CDH23: variants seen among roughly 807,000 people sequenced by gnomAD.
CDH23 encodes cadherin related 23, also known as cadherin-23.
Under a neutral mutation model 317.1 loss-of-function variants are expected in CDH23, and 189 were observed. The ratio of observed to expected loss-of-function variants is 0.60; its 90% CI spans 0.53 to 0.67. The LOEUF (loss-of-function observed/expected upper bound fraction) is 0.67, where lower values mean the gene tolerates loss of function less well. CDH23 is among the 30% of genes least tolerant of loss of function. The pLI is 0.00. For missense variants in CDH23, 4,401 were observed against 4,592.4 expected (o/e 0.96, Z 1.20); for synonymous variants, 1,839 against 1,876.8 (o/e 0.98, Z 0.52).
chr10:71,638,895 C>A (rs1456518981), intron 11 of CDH23, among the ~76,000 whole-genome samples: 1 of 152,102 alleles, frequency 6.6e-6, no homozygotes, highest in African/African-American at 2.4e-5. Flanking sequence ...AGGGAGGGGG[C>A]AAGGTCTAGG....
rs1334471359 is a variant in CDH23 at position 71,690,604 on chromosome 10, G to A, written c.2176+20G>A. On this transcript the variant is annotated intron_variant, in intron 20 of 69. Coordinates refer to ENST00000224721, the MANE Select transcript of CDH23 (RefSeq NM_022124.6). ...GCTCAGGTGAGCCCCCCCACCCCAAGTACCCTGGTCCTCCACACCCTGAGG... is the reference window on the plus strand; with the variant it reads ...GCTCAGGTGAGCCCCCCCACCCCAAATACCCTGGTCCTCCACACCCTGAGG... 1 of 1,528,704 alleles carries A rather than the reference G, an allele frequency of 6.5e-7. No homozygotes were observed. Among genetic ancestry groups the A allele is most frequent in the Non-Finnish European group, 8.9e-7 (1 of 1,119,674 alleles). The allele number at this position is 1,528,704 out of a possible 1,614,324, so 94.7% of individuals were successfully genotyped here.
chr10:71,525,670 G>A (rs75372719), intron 6 of CDH23, among the ~76,000 whole-genome samples: 3,996 of 152,266 alleles, frequency 0.026, 174 homozygotes, highest in African/African-American at 0.091. Context: ...TGGCAGGTAC[G>A]GGGTGCTGGT....
In CDH23 at chr10:71,617,284, A is replaced by G. The variant is rs1451062499; in HGVS notation, c.1025A>G (p.Asn342Ser). ...TTFNILVIDINDNAPEFNSSE... is the reference protein window; with the variant it reads ...TTFNILVIDISDNAPEFNSSE... ...TTCAATATCCTGGTTATTGACATCA[A>G]TGACAATGCCCCGGAGTTCAACAGC... Residue 342 changes from asparagine to serine, a missense_variant, in exon 11 of 70, where the codon AAT becomes AGT. Asn to Ser is a conservative substitution (Grantham distance 46). Around this residue, in one of 3 missense-constraint regions of CDH23, gnomAD observed 3,068 missense variants for 3,203.3 expected, o/e 0.96. Coordinates refer to ENST00000224721, the MANE Select transcript of CDH23 (RefSeq NM_022124.6). 2 of 1,613,830 alleles carry G rather than the reference A, an allele frequency of 1.2e-6. No individual in the cohort carries two copies. Among genetic ancestry groups the G allele is most frequent in the Non-Finnish European group, 8.5e-7 (1 of 1,179,888 alleles).
chr10:71,536,068 T>C (rs972269225), intron 6 of CDH23, among the ~76,000 whole-genome samples: 1 of 152,242 alleles, frequency 6.6e-6, no homozygotes, highest in Non-Finnish European at 1.5e-5. Flanking sequence ...TGCACGCGCC[T>C]TGCTGTGGCA....
rs756989646 is a variant in CDH23, at chr10:71,793,214, G to A, written c.6286G>A (p.Glu2096Lys). The A allele has an allele frequency of 1.2e-6, 2 of 1,613,652 alleles. No individual in the cohort carries two copies. Among genetic ancestry groups the A allele is most frequent in the South Asian group, 1.1e-5 (1 of 91,002 alleles). Residue 2096 changes from glutamate (E) to lysine (K), a missense_variant, in exon 48 of 70, where the codon GAG becomes AAG. Physicochemically the swap from Glu to Lys is moderately conservative, Grantham distance 56. Around this residue, in one of 3 missense-constraint regions of CDH23, gnomAD observed 3,068 missense variants for 3,203.3 expected, o/e 0.96. Coordinates refer to ENST00000224721, the MANE Select transcript of CDH23 (RefSeq NM_022124.6). Reference protein sequence around the residue: ...FSVLQVTATDEDSGLNGELVY... With the variant: ...FSVLQVTATDKDSGLNGELVY... ...AGTCCTTCAAGTCACAGCCACAGAT[G>A]AGGACAGTGGCCTCAATGGGGAGCT... is the stretch of plus-strand genomic sequence containing the variant.
At chr10:71,722,939 G>A (rs1168727483) in intron 28 of CDH23, among the ~76,000 whole-genome samples, 2 of 152,174 alleles carry the variant, frequency 1.3e-5, no homozygotes, top group African/African-American at 2.4e-5. Flanking sequence ...TTTACTGCTA[G>A]AAAGACTGAC....
At chr10:71,724,396 G>A (rs541510313) in intron 29 of CDH23, among the ~76,000 whole-genome samples, 3 of 152,286 alleles carry the variant, frequency 2.0e-5, no homozygotes, top group East Asian at 1.9e-4. Context: ...GGGTTCAAGC[G>A]ATTCTCCTGC....
intron 20 of CDH23, among the ~76,000 whole-genome samples, chr10:71,692,473 G>A (rs1865221785): frequency 6.6e-6 from 1 of 152,224 alleles, no homozygotes. Context: ...GACAGGAGAG[G>A]CCATCTATCA....
chr10:71,755,437 C>A, intron 38 of CDH23: 1 of 1,612,996 alleles, frequency 6.2e-7, no homozygotes. Flanking sequence ...ACGATGCAGG[C>A]ACCCGTAGCC....
chr10:71,441,249 TC>T (rs1157103170), intron 2 of CDH23, among the ~76,000 whole-genome samples: 1 of 151,198 alleles, frequency 6.6e-6, no homozygotes, highest in Non-Finnish European at 1.5e-5. Context: ...CTCACCCCGC[TC>T]CCCCCCTGCC....
intron 43 of CDH23, 28 bp downstream of exon 43, chr10:71,785,128 T>C (rs771972819): frequency 1.3e-6 from 2 of 1,575,858 alleles, no homozygotes; most frequent in Non-Finnish European, 1.7e-6. Context: ...CCCAGGGAGC[T>C]TCCCAGGGTT....
chr10:71,767,749 C>T (rs756638199), intron 38 of CDH23, among the ~76,000 whole-genome samples: 3 of 152,238 alleles, frequency 2.0e-5, no homozygotes, highest in Non-Finnish European at 4.4e-5. Flanking sequence ...GGACAAAGGG[C>T]ATCTCAGATG....
At chr10:71,451,375 C>T (rs550559125) in intron 3 of CDH23, among the ~76,000 whole-genome samples, 1 of 152,336 alleles carries the variant, frequency 6.6e-6, no homozygotes, top group African/African-American at 2.4e-5. Flanking sequence ...GGAGTAAAAG[C>T]CCGTGTTCCT....
chr10:71,764,772 A>G (rs1325994408), intron 38 of CDH23, among the ~76,000 whole-genome samples: 1 of 152,176 alleles, frequency 6.6e-6, no homozygotes, highest in African/African-American at 2.4e-5. Flanking sequence ...TTCTTGGGCT[A>G]GCTGGCATGG....
intron 60 of CDH23, 54 bp downstream of exon 60, chr10:71,808,061 A>G: frequency 6.5e-7 from 1 of 1,549,878 alleles, no homozygotes; most frequent in East Asian, 2.4e-5. Context: ...CAGTCACTGC[A>G]TGGACTGTCA....
chr10:71,532,727 G>GTTTT (rs200038577), intron 6 of CDH23, among the ~76,000 whole-genome samples: 19 of 93,954 alleles, frequency 2.0e-4, no homozygotes, highest in Admixed American at 3.8e-4. Context: ...TTTTTTTTTT[G>GTTTT]TTTTTTTTTT....
rs56843995 is a variant in CDH23 at position 71,576,791 on chromosome 10, G to A, written c.754-1123G>A. On this transcript the variant is annotated intron_variant, in intron 8 of 69. Transcript: ENST00000224721. Reference sequence around the variant, plus strand: ...CAGGCAAGGGGCGACTCAGCGAGTGGTGGCGGTGACCTTCCACCCTAAGGT... The same window carrying A: ...CAGGCAAGGGGCGACTCAGCGAGTGATGGCGGTGACCTTCCACCCTAAGGT... Among the ~76,000 whole-genome samples, 1,301 of 152,320 alleles carry A rather than the reference G, an allele frequency of 8.5e-3. 26 individuals are homozygous for A. Among genetic ancestry groups the A allele is most frequent in the African/African-American group, 0.03 (1,242 of 41,546 alleles).
intron 11 of CDH23, among the ~76,000 whole-genome samples, chr10:71,632,573 G>C (rs1862064084): frequency 6.6e-6 from 1 of 152,172 alleles, no homozygotes; most frequent in Non-Finnish European, 1.5e-5. Context: ...TGAGGCTGCA[G>C]TTTAGAGTTC....
intron 14 of CDH23, among the ~76,000 whole-genome samples, chr10:71,653,332 G>A (rs559764202): frequency 2.0e-5 from 3 of 152,360 alleles, no homozygotes; most frequent in African/African-American, 7.2e-5. Flanking sequence ...GACTTCAAAT[G>A]CAGCAGGCCT....
Sources: allele counts gnomAD v4.1 joint callset (sites outside exome capture counted in the v4.1 genomes callset), GRCh38; gene constraint gnomAD v4.1.1; regional missense constraint gnomAD v4.1.1; transcripts MANE v1.5; gene names NCBI Gene and HGNC (gene_info 2026-07-23, HGNC 2026-07-21).